The following MARCHF1 variants were observed in gnomAD, a reference collection of about 807,000 sequenced individuals.
MARCHF1 encodes membrane associated ring-CH-type finger 1.
Under a neutral mutation model 54.2 loss-of-function variants are expected in MARCHF1, and 40 were observed. That is an observed-to-expected ratio of 0.74 (90% CI 0.57 to 0.96). The LOEUF (loss-of-function observed/expected upper bound fraction) is 0.96. MARCHF1 is among the 40% of genes least tolerant of loss of function. MARCHF1 has a pLI of 0.00. For synonymous variants in MARCHF1, 236 were observed against 236.3 expected (o/e 1.00, Z 0.01); for missense variants, 586 against 656.5 (o/e 0.89, Z 1.17).
At position 164,176,980 on chromosome 4, in the gene MARCHF1, CTATATATATATATA is replaced by C. The variant is rs71595261; in HGVS notation, c.-322-65332_-322-65319del. On this transcript the variant is annotated intron_variant, in intron 1 of 9. Transcript: ENST00000514618. ...TCTCTCTCTCTCTCTCTCTCTCTCT[CTATATATATATATA>C]TATATATATATATATACAAATGATA... 1.3e-3 allele frequency among the ~76,000 whole-genome samples: 74 copies of C among 58,916 alleles called. 5 individuals are homozygous for C. Among genetic ancestry groups the C allele is most frequent in the African/African-American group, 5.1e-3 (71 of 13,872 alleles). The allele number at this position is 58,916 out of a possible 152,430, so 38.7% of individuals were successfully genotyped here.
intron 1 of MARCHF1, among the ~76,000 whole-genome samples, chr4:164,156,847 T>C (rs907052119): frequency 3.3e-5 from 5 of 152,204 alleles, no homozygotes; most frequent in Non-Finnish European, 5.9e-5. Flanking sequence ...ACCTATGATA[T>C]GCAAAAACTC....
At chr4:163,716,551 T>G (rs1745263339) in intron 4 of MARCHF1, among the ~76,000 whole-genome samples, 1 of 152,200 alleles carries the variant, frequency 6.6e-6, no homozygotes, top group Admixed American at 6.5e-5. Flanking sequence ...GTTAAATTAT[T>G]ATTAATACAC....
intron 4 of MARCHF1, among the ~76,000 whole-genome samples, chr4:163,759,355 G>GAT (rs1444838937): frequency 1.3e-5 from 2 of 151,958 alleles, no homozygotes; most frequent in African/African-American, 4.8e-5. Flanking sequence ...ATGTGCCTTA[G>GAT]ATATATTCAA....
chr4:163,744,675 A>C (rs1339398263), intron 4 of MARCHF1, among the ~76,000 whole-genome samples: 1 of 152,198 alleles, frequency 6.6e-6, no homozygotes, highest in Admixed American at 6.5e-5. Flanking sequence ...GAAGAGAGTG[A>C]AGTCAGATTT....
At chr4:163,863,695 G>C (rs1196965108) in intron 3 of MARCHF1, among the ~76,000 whole-genome samples, 2 of 151,988 alleles carry the variant, frequency 1.3e-5, no homozygotes, top group South Asian at 2.1e-4. Flanking sequence ...AATATGCCGA[G>C]TGCCCCGATT....
In MARCHF1 at chr4:164,276,570, G is replaced by A. The variant is rs1579682743; in HGVS notation, c.-323+107300C>T. Reference sequence around the variant, plus strand: ...ATATAGTATATATATAAATTACAATGATATAACATAAAGGTGACATTTTAA... The same window carrying A: ...ATATAGTATATATATAAATTACAATAATATAACATAAAGGTGACATTTTAA... On this transcript the variant is annotated intron_variant, in intron 1 of 9. Coordinates refer to ENST00000514618, the MANE Select transcript of MARCHF1 (RefSeq NM_001394959.1). Among the ~76,000 whole-genome samples, 4 of 150,898 alleles carry A rather than the reference G, an allele frequency of 2.7e-5. No individual in the cohort carries two copies. The South Asian group carries it at 8.3e-4, about 31-fold the overall frequency.
chr4:164,257,955 A>G (rs1733340610), intron 1 of MARCHF1, among the ~76,000 whole-genome samples: 1 of 152,246 alleles, frequency 6.6e-6, no homozygotes, highest in Non-Finnish European at 1.5e-5. Flanking sequence ...ATGCACACGT[A>G]TGTTTATTGC....
At chr4:163,538,957 C>CT (rs897314692) in intron 9 of MARCHF1, among the ~76,000 whole-genome samples, 5 of 152,128 alleles carry the variant, frequency 3.3e-5, no homozygotes, top group South Asian at 4.1e-4. Context: ...CATTCGGAAA[C>CT]TTTAAGTGTG....
chr4:164,225,825 CA>C (rs1310094401), intron 1 of MARCHF1, among the ~76,000 whole-genome samples: 1 of 152,008 alleles, frequency 6.6e-6, no homozygotes, highest in Non-Finnish European at 1.5e-5. Flanking sequence ...GTTTACCAGG[CA>C]TAAGTACTCA....
At chr4:163,952,362 G>A (rs1340521381) in intron 3 of MARCHF1, among the ~76,000 whole-genome samples, 2 of 152,022 alleles carry the variant, frequency 1.3e-5, no homozygotes, top group South Asian at 2.1e-4. Context: ...TACTCTACAC[G>A]CTAGTGCAAA....
At chr4:164,162,251 A>T (rs1298778278) in intron 1 of MARCHF1, among the ~76,000 whole-genome samples, 1 of 151,916 alleles carries the variant, frequency 6.6e-6, no homozygotes, top group Non-Finnish European at 1.5e-5. Context: ...AGAAATGCAA[A>T]ACCAATCATT....
chr4:164,122,628 C>CA (rs757855842), intron 1 of MARCHF1, among the ~76,000 whole-genome samples: 15 of 151,986 alleles, frequency 9.9e-5, no homozygotes, highest in Non-Finnish European at 1.8e-4. Flanking sequence ...CACTGCCCAC[C>CA]AGTCTTTTCT....
chr4:163,709,001 A>T lies in MARCHF1; in HGVS notation c.112-8138T>A, dbSNP rs1385074807. Among the ~76,000 whole-genome samples, 5 of 152,186 alleles carry T rather than the reference A, an allele frequency of 3.3e-5. No individual in the cohort carries two copies. The East Asian group carries it at 9.6e-4, about 29-fold the overall frequency. On this transcript the variant is annotated intron_variant, in intron 4 of 9. Transcript: ENST00000514618. ...TGTTAAGGTAATAAAGTTATAGAAAAATGTGTAGAGGACAATTCCATTTCT... is the reference window on the plus strand; with the variant it reads ...TGTTAAGGTAATAAAGTTATAGAAATATGTGTAGAGGACAATTCCATTTCT...
intron 4 of MARCHF1, among the ~76,000 whole-genome samples, chr4:163,751,133 TTGTGTGTGTGTGTGTG>T (rs70948664): frequency 3.0e-4 from 44 of 147,278 alleles, no homozygotes; most frequent in Non-Finnish European, 2.8e-4. Context: ...TATTACCACT[TTGTGTGTGTGTGTGTG>T]TGTGTGTGTG....
chr4:164,225,267 A>G (rs1396336348), intron 1 of MARCHF1, among the ~76,000 whole-genome samples: 8 of 152,200 alleles, frequency 5.3e-5, no homozygotes, highest in Admixed American at 5.2e-4. Flanking sequence ...TTTTGTCTCA[A>G]GTATATCGTC....
intron 5 of MARCHF1, among the ~76,000 whole-genome samples, chr4:163,681,426 A>G (rs1429095350): frequency 6.6e-6 from 1 of 152,116 alleles, no homozygotes; most frequent in Non-Finnish European, 1.5e-5. Flanking sequence ...TAGTCACATC[A>G]TAGGCTGATA....
At chr4:163,793,001 C>T (rs1001422275) in intron 4 of MARCHF1, among the ~76,000 whole-genome samples, 4 of 152,172 alleles carry the variant, frequency 2.6e-5, no homozygotes, top group African/African-American at 9.7e-5. Flanking sequence ...TTTCCAGAGT[C>T]CTTGGAGGAC....
chr4:164,065,442 G>A (rs1231517430), intron 2 of MARCHF1, among the ~76,000 whole-genome samples: 1 of 152,148 alleles, frequency 6.6e-6, no homozygotes, highest in Admixed American at 6.5e-5. Flanking sequence ...TGACAAATGA[G>A]TTCTAATTAA....
At chr4:163,696,121 A>G (rs1744621454) in intron 5 of MARCHF1, among the ~76,000 whole-genome samples, 1 of 152,162 alleles carries the variant, frequency 6.6e-6, no homozygotes, top group Non-Finnish European at 1.5e-5. Context: ...CATAGGTGTA[A>G]CTGTCTTATA....
Sources: gnomAD v4.1 joint callset for allele counts (sites outside exome capture counted in the v4.1 genomes callset) on GRCh38, gnomAD v4.1.1 for gene constraint, MANE v1.5 for transcripts, NCBI Gene and HGNC (gene_info 2026-07-23, HGNC 2026-07-21) for gene names.